PDE4D: variants seen among roughly 807,000 people sequenced by gnomAD.
PDE4D encodes the protein phosphodiesterase 4D.
In PDE4D, 24 loss-of-function variants were observed where a neutral mutation model predicts 87.4. That is an observed-to-expected ratio of 0.27 (90% CI 0.20 to 0.39). The LOEUF is 0.39. Among genes scored for constraint, PDE4D ranks in the 10% least tolerant of loss-of-function variants. The probability of loss-of-function intolerance (pLI) is 1.00; values close to 1 mark genes in which losing one functional copy is unlikely to be tolerated. For synonymous variants in PDE4D, 384 were observed against 383.2 expected (o/e 1.00, Z -0.02); for missense variants, 714 against 1,041.0 (o/e 0.69, Z 4.32).
chr5:59,500,440 C>T (rs1198493178), intron 1 of PDE4D, among the ~76,000 whole-genome samples: 1 of 152,144 alleles, frequency 6.6e-6, no homozygotes. Context: ...AAGATGAAAT[C>T]ATGTTCCTTG....
At chr5:59,260,657 G>C (rs1761833969) in intron 1 of PDE4D, among the ~76,000 whole-genome samples, 1 of 151,220 alleles carries the variant, frequency 6.6e-6, no homozygotes, top group Non-Finnish European at 1.5e-5. Context: ...ACTTTATTCA[G>C]GAAATTACTA....
chr5:60,313,715 G>A (rs6865747), intron 1 of PDE4D, among the ~76,000 whole-genome samples: 1 of 151,634 alleles, frequency 6.6e-6, no homozygotes, highest in Non-Finnish European at 1.5e-5. Context: ...GTCCTGGATC[G>A]AACAGGACAT....
At position 59,407,875 on chromosome 5, in the gene PDE4D, C is replaced by T. The variant is rs964126657; in HGVS notation, c.456-191907G>A. ...ACCTGGCTGCTTCTAATAACCTATG[C>T]TCAGATGCAGAAGCAAAGAAATAAC... is the stretch of plus-strand genomic sequence containing the variant. On this transcript the variant is annotated intron_variant, in intron 1 of 14. Coordinates refer to ENST00000340635, the MANE Select transcript of PDE4D (RefSeq NM_001104631.2). Among the ~76,000 whole-genome samples, 10 of 152,242 alleles carry T rather than the reference C, an allele frequency of 6.6e-5. No individual in the cohort carries two copies. In the South Asian group the frequency reaches 1.0e-3, roughly 16 times the overall value.
chr5:59,430,808 G>T (rs1795998151), intron 1 of PDE4D, among the ~76,000 whole-genome samples: 1 of 152,116 alleles, frequency 6.6e-6, no homozygotes. Context: ...TGTAATAGTA[G>T]TTTGGTAATC....
At chr5:59,723,364 C>T (rs542163328) in intron 1 of PDE4D, among the ~76,000 whole-genome samples, 2 of 152,126 alleles carry the variant, frequency 1.3e-5, no homozygotes, top group African/African-American at 4.8e-5. Context: ...GAGTAAATAC[C>T]TCATAGAATG....
chr5:58,988,927 T>A (rs1395490330), intron 10 of PDE4D, among the ~76,000 whole-genome samples: 1 of 152,214 alleles, frequency 6.6e-6, no homozygotes, highest in African/African-American at 2.4e-5. Context: ...TCTGAAAATG[T>A]ACATAAAATT....
chr5:59,120,838 A>G (rs1774366881), intron 5 of PDE4D, among the ~76,000 whole-genome samples: 2 of 152,234 alleles, frequency 1.3e-5, no homozygotes, highest in African/African-American at 4.8e-5. Flanking sequence ...GACCAATGGA[A>G]TAATACAGAG....
At chr5:59,500,356 ATATGCCCACC>A (rs973327563) in intron 1 of PDE4D, among the ~76,000 whole-genome samples, 1 of 152,202 alleles carries the variant, frequency 6.6e-6, no homozygotes, top group Non-Finnish European at 1.5e-5. Context: ...GAATCAACCC[ATATGCCCACC>A]AATGGTGGGC....
At chr5:59,917,467 A>G (rs1754194118) in intron 3 of PDE4D, among the ~76,000 whole-genome samples, 1 of 152,212 alleles carries the variant, frequency 6.6e-6, no homozygotes, top group Admixed American at 6.5e-5. Context: ...CTTAAGAGCT[A>G]CAAGAGGTAG....
chr5:59,498,218 T>G (rs146010238), intron 1 of PDE4D, among the ~76,000 whole-genome samples: 3 of 151,526 alleles, frequency 2.0e-5, no homozygotes, highest in Non-Finnish European at 2.9e-5. Flanking sequence ...CTTGTTACCA[T>G]GAAAGCACAT....
At chr5:59,687,481 T>C (rs1036937392) in intron 1 of PDE4D, among the ~76,000 whole-genome samples, 1 of 152,162 alleles carries the variant, frequency 6.6e-6, no homozygotes, top group Non-Finnish European at 1.5e-5. Flanking sequence ...CTAAGTTTCA[T>C]AAGTGAAGGA....
chr5:60,300,732 T>C (rs1753817204), intron 1 of PDE4D, among the ~76,000 whole-genome samples: 1 of 151,984 alleles, frequency 6.6e-6, no homozygotes. Context: ...TATTTCTGAG[T>C]TCTCTATTCT....
At chr5:59,052,940 C>A (rs1327468414) in intron 5 of PDE4D, among the ~76,000 whole-genome samples, 1 of 151,998 alleles carries the variant, frequency 6.6e-6, no homozygotes, top group Admixed American at 6.6e-5. Context: ...AATAGTAATT[C>A]ATCTCCTCCC....
At chr5:60,062,537 C>A (rs1233738757) in intron 2 of PDE4D, among the ~76,000 whole-genome samples, 1 of 152,116 alleles carries the variant, frequency 6.6e-6, no homozygotes, top group African/African-American at 2.4e-5. Context: ...ACCAGAAATA[C>A]CATTTGACCC....
chr5:60,307,425 C>A (rs1754603642), intron 1 of PDE4D, among the ~76,000 whole-genome samples: 1 of 152,102 alleles, frequency 6.6e-6, no homozygotes, highest in Non-Finnish European at 1.5e-5. Context: ...GTAAATGTGA[C>A]ATATCAACTC....
In PDE4D at chr5:58,974,684, C is replaced by A; in HGVS notation, c.2410G>T (p.Asp804Tyr). The A allele has an allele frequency of 1.9e-6, 3 of 1,575,764 alleles. No homozygotes were observed. Among genetic ancestry groups the A allele is most frequent in the Non-Finnish European group, 2.6e-6 (3 of 1,159,728 alleles). The change falls in exon 15 of 15, where the codon GAT becomes TAT. Residue 804 changes from aspartate to tyrosine, a missense_variant. Physicochemically the swap from Asp to Tyr is radical, Grantham distance 160. This residue lies in a region of PDE4D where 90 missense variants were observed against 95.3 expected (regional missense o/e 0.94). Transcript: ENST00000340635. ...ESQPEACVID[D>Y]RSPDT Reference sequence around the variant, plus strand: ...CACTGTTACGTGTCAGGAGAACGATCATCTATGACACAGGCTTCAGGCTGG... The same window carrying A: ...CACTGTTACGTGTCAGGAGAACGATAATCTATGACACAGGCTTCAGGCTGG...
intron 1 of PDE4D, among the ~76,000 whole-genome samples, chr5:60,433,147 T>C (rs1453959275): frequency 6.6e-6 from 1 of 152,080 alleles, no homozygotes; most frequent in African/African-American, 2.4e-5. Flanking sequence ...ATAGACAACC[T>C]ACAGGATGGG....
At chr5:59,055,539 G>A (rs1391327060) in intron 5 of PDE4D, among the ~76,000 whole-genome samples, 1 of 151,956 alleles carries the variant, frequency 6.6e-6, no homozygotes, top group East Asian at 1.9e-4. Context: ...ACTTGTTCAT[G>A]CTGGGTTATT....
chr5:59,277,560 C>T (rs772967572), intron 1 of PDE4D, among the ~76,000 whole-genome samples: 1 of 151,976 alleles, frequency 6.6e-6, no homozygotes, highest in Non-Finnish European at 1.5e-5. Context: ...AAAAGCAAAC[C>T]AAGTAAAATT....
Sources: gnomAD v4.1 joint callset for allele counts (sites outside exome capture counted in the v4.1 genomes callset) on GRCh38, gnomAD v4.1.1 for gene constraint, gnomAD v4.1.1 regional missense constraint, MANE v1.5 for transcripts, NCBI Gene and HGNC (gene_info 2026-07-23, HGNC 2026-07-21) for gene names.